UBE2Q2: variants seen among roughly 807,000 people sequenced by gnomAD.
UBE2Q2 encodes ubiquitin conjugating enzyme E2 Q2, also known as ubiquitin-conjugating enzyme E2 Q2.
A neutral mutation model predicts 59.9 loss-of-function variants in UBE2Q2; 54 were observed. That is an observed-to-expected ratio of 0.90 (90% CI 0.72 to 1.13). The LOEUF is 1.13. UBE2Q2 is among the 50% of genes most tolerant of loss of function. UBE2Q2 has a pLI of 0.00. For missense variants in UBE2Q2, 433 were observed against 441.9 expected (o/e 0.98, Z 0.18); for synonymous variants, 165 against 155.2 (o/e 1.06, Z -0.47).
At chr15:75,871,220 G>A (rs1191203402) in intron 4 of UBE2Q2, among the ~76,000 whole-genome samples, 2 of 152,200 alleles carry the variant, frequency 1.3e-5, no homozygotes, top group African/African-American at 4.8e-5. Context: ...ATTGCTGCCC[G>A]CATGTCCCAC....
intron 1 of UBE2Q2, among the ~76,000 whole-genome samples, chr15:75,852,656 A>G (rs144774899): frequency 6.6e-6 from 1 of 152,344 alleles, no homozygotes; most frequent in East Asian, 1.9e-4. Context: ...AAACCTAAAA[A>G]CTAAAACAGT....
chr15:75,893,218 A>C (rs1382587166), intron 11 of UBE2Q2, among the ~76,000 whole-genome samples: 1 of 152,206 alleles, frequency 6.6e-6, no homozygotes, highest in African/African-American at 2.4e-5. Context: ...GTTTTAATCT[A>C]TATATTTAAA....
chr15:75,854,796 A>G (rs1324835144), intron 2 of UBE2Q2, among the ~76,000 whole-genome samples: 1 of 152,218 alleles, frequency 6.6e-6, no homozygotes, highest in East Asian at 1.9e-4. Context: ...AAAAAAGACC[A>G]AGGTAGGAGT....
chr15:75,847,381 A>G (rs1423819545), intron 1 of UBE2Q2, among the ~76,000 whole-genome samples: 1 of 152,228 alleles, frequency 6.6e-6, no homozygotes, highest in Non-Finnish European at 1.5e-5. Flanking sequence ...GAGTGTAAGA[A>G]GTGAAAAAGA....
intron 3 of UBE2Q2, among the ~76,000 whole-genome samples, chr15:75,865,582 G>GA (rs948756996): frequency 2.8e-4 from 41 of 147,964 alleles, no homozygotes; most frequent in South Asian, 8.5e-4. Context: ...AGTTATCTAG[G>GA]AAAAAAAAAA....
chr15:75,853,925 T>G (rs2141553154), intron 1 of UBE2Q2, among the ~76,000 whole-genome samples: 1 of 152,282 alleles, frequency 6.6e-6, no homozygotes, highest in South Asian at 2.1e-4. Context: ...ATAGGGCACC[T>G]CATCACATGG....
intron 8 of UBE2Q2, among the ~76,000 whole-genome samples, chr15:75,881,557 A>T (rs1371488627): frequency 6.6e-6 from 1 of 152,186 alleles, no homozygotes; most frequent in Non-Finnish European, 1.5e-5. Context: ...AACTGACCTT[A>T]TGAAGAGGAC....
intron 1 of UBE2Q2, among the ~76,000 whole-genome samples, chr15:75,851,731 A>T (rs899750510): frequency 6.6e-6 from 1 of 152,138 alleles, no homozygotes; most frequent in South Asian, 2.1e-4. Context: ...TGGTTAATTC[A>T]CTTCATGACT....
At chr15:75,859,597 A>G (rs1187087732) in intron 2 of UBE2Q2, among the ~76,000 whole-genome samples, 3 of 152,286 alleles carry the variant, frequency 2.0e-5, no homozygotes, top group Middle Eastern at 6.8e-3. Context: ...ACGGGTTAGC[A>G]GTGAGAAATT....
chr15:75,843,628 C>G lies in UBE2Q2; in HGVS notation c.-39C>G. The G allele has an allele frequency of 6.5e-7, 1 of 1,549,632 alleles. No individual in the cohort carries two copies. The highest frequency in any genetic ancestry group is 1.9e-4 in the Middle Eastern group (1 of 5,158). Reference sequence around the variant, plus strand: ...GGCCCGGCTCCCCTTCCGCGCCCGGCTCCCCTTCCGCGCCCCTCCCGCCGG... The same window carrying G: ...GGCCCGGCTCCCCTTCCGCGCCCGGGTCCCCTTCCGCGCCCCTCCCGCCGG... On this transcript the variant is annotated 5_prime_UTR_variant, in exon 1 of 13. Transcript: ENST00000267938.
intron 1 of UBE2Q2, among the ~76,000 whole-genome samples, chr15:75,849,247 A>C (rs1044120652): frequency 7.9e-5 from 12 of 152,174 alleles, no homozygotes; most frequent in African/African-American, 2.7e-4. Flanking sequence ...TTCGTTCTCC[A>C]CCCCACATTT....
Position 75,854,437 on chromosome 15 carries a change from A to C in UBE2Q2, c.232A>C (p.Asn78His). Residue 78 changes from asparagine to histidine, a missense_variant, in exon 2 of 13, where the codon AAT becomes CAT. Physicochemically the swap from Asn to His is moderately conservative, Grantham distance 68 (BLOSUM62 1). Transcript: ENST00000267938. The part of the protein sequence containing the change: ...PIWFVDSEDP[N>H]LTSVLERLED... ...ATGGTTTGTGGATTCTGAAGACCCA[A>C]ATCTGACATCAGTTCTGGAACGTCT... 6.2e-7 allele frequency: 1 copy of C among 1,613,576 alleles called. No individual in the cohort carries two copies. The highest frequency in any genetic ancestry group is 8.5e-7 in the Non-Finnish European group (1 of 1,179,674).
chr15:75,889,102 A>G (rs1898952173), intron 9 of UBE2Q2, among the ~76,000 whole-genome samples: 1 of 152,234 alleles, frequency 6.6e-6, no homozygotes, highest in Non-Finnish European at 1.5e-5. Flanking sequence ...AGTGCACATT[A>G]TATACAATAC....
Position 75,843,896 on chromosome 15 carries a change from G to T in UBE2Q2, c.180+50G>T. 2.0e-6 allele frequency: 3 copies of T among 1,495,806 alleles called. No individual in the cohort carries two copies. The East Asian group carries it at 7.9e-5, about 40-fold the overall frequency. The allele number at this position is 1,495,806 out of a possible 1,614,324, so 92.7% of individuals were successfully genotyped here. On this transcript the variant is annotated intron_variant, in intron 1 of 12. Transcript: ENST00000267938. ...CGGGGCAGGGCGAGGACGGAGAGGG[G>T]GCGCTTCGAGTCCCGGGACAAAGGG...
At chr15:75,888,120 C>T (rs1226364174) in intron 9 of UBE2Q2, among the ~76,000 whole-genome samples, 1 of 152,120 alleles carries the variant, frequency 6.6e-6, no homozygotes, top group Admixed American at 6.5e-5. Flanking sequence ...TGATAAAACG[C>T]TTCGAAGTGT....
intron 3 of UBE2Q2, among the ~76,000 whole-genome samples, chr15:75,861,602 C>A (rs908381817): frequency 6.6e-6 from 1 of 152,106 alleles, no homozygotes; most frequent in East Asian, 1.9e-4. Context: ...GGATTTTAGA[C>A]CTCTTGTCTT....
chr15:75,865,227 T>C (rs1314205760), intron 3 of UBE2Q2, among the ~76,000 whole-genome samples: 1 of 152,270 alleles, frequency 6.6e-6, no homozygotes, highest in Non-Finnish European at 1.5e-5. Context: ...ACCACTTATG[T>C]ATGCATCCTT....
intron 1 of UBE2Q2, among the ~76,000 whole-genome samples, chr15:75,852,763 T>C (rs1400566801): frequency 6.6e-6 from 1 of 152,230 alleles, no homozygotes; most frequent in African/African-American, 2.4e-5. Flanking sequence ...GGATTAATTC[T>C]GGAGAGTTTC....
chr15:75,845,711 C>G (rs1896309679), intron 1 of UBE2Q2, among the ~76,000 whole-genome samples: 1 of 152,180 alleles, frequency 6.6e-6, no homozygotes, highest in African/African-American at 2.4e-5. Flanking sequence ...GCTAGGAGTA[C>G]AGGGATACCA....
Sources: gnomAD v4.1 joint callset for allele counts (sites outside exome capture counted in the v4.1 genomes callset) on GRCh38, gnomAD v4.1.1 for gene constraint, MANE v1.5 for transcripts, NCBI Gene and HGNC (gene_info 2026-07-23, HGNC 2026-07-21) for gene names.